Variants in CFAP410 observed in about 807,000 individuals in gnomAD.
The protein encoded by CFAP410 is cilia- and flagella-associated protein 410.
In CFAP410, 27 loss-of-function variants were observed where a neutral mutation model predicts 25.7. The ratio of observed to expected loss-of-function variants is 1.05; its 90% CI spans 0.77 to 1.45. The LOEUF is 1.45. Among genes scored for constraint, CFAP410 ranks in the 40% most tolerant of loss-of-function variants. The pLI, the probability that CFAP410 is intolerant of heterozygous loss-of-function variation, is 0.00. For synonymous variants in CFAP410, 178 were observed against 158.4 expected (o/e 1.12, Z -0.93); for missense variants, 428 against 354.1 (o/e 1.21, Z -1.67).
At chr21:44,331,039 C>T (rs2047638638) in intron 5 of CFAP410, 120 bp from the exon 6 acceptor site, 2 of 907,528 alleles carry the variant, frequency 2.2e-6, no homozygotes, top group African/African-American at 3.4e-5. Context: ...TCCCACCTGG[C>T]ACACGGGGGC....
intron 2 of CFAP410, among the ~76,000 whole-genome samples, chr21:44,336,369 C>T (rs2047756560): frequency 6.6e-6 from 1 of 152,180 alleles, no homozygotes; most frequent in Non-Finnish European, 1.5e-5. Context: ...GGTAAGGGGA[C>T]CCCAATGTCC....
chr21:44,330,344 C>T lies in CFAP410; in HGVS notation c.643-18G>A, dbSNP rs749770540. ...AGGACGTTCTGAGGGCAGAGGGGTG[C>T]GGACTAAGCCCACCCGGCACGGCGA... is the stretch of plus-strand genomic sequence containing the variant. On this transcript the variant is annotated intron_variant, in intron 6 of 6. Coordinates refer to ENST00000339818, the MANE Select transcript of CFAP410 (RefSeq NM_004928.3). 22 of 1,601,522 alleles carry T rather than the reference C, an allele frequency of 1.4e-5. No homozygotes were observed. The highest frequency in any genetic ancestry group is 1.1e-4 in the East Asian group (5 of 44,554).
intron 5 of CFAP410, 39 bp from the exon 6 acceptor site, chr21:44,330,958 C>T (rs773849527): frequency 3.5e-5 from 53 of 1,513,498 alleles, no homozygotes; most frequent in East Asian, 2.6e-4. Context: ...TCAGGGGGCT[C>T]GTGGCACCGG....
chr21:44,335,187 T>C (rs1344302133), intron 3 of CFAP410: 2 of 154,634 alleles, frequency 1.3e-5, no homozygotes. Context: ...AGGGAGCTCT[T>C]CTCTTCCCCA....
chr21:44,332,260 G>A, intron 4 of CFAP410: 1 of 449,530 alleles, frequency 2.2e-6, no homozygotes, highest in Non-Finnish European at 3.9e-6. Context: ...ACCAGCCTTG[G>A]CCAGAAGCAA....
At chr21:44,338,418 A>G in intron 1 of CFAP410, 1 of 763,286 alleles carries the variant, frequency 1.3e-6, no homozygotes, top group East Asian at 6.5e-5. Context: ...TCCTTGGCTC[A>G]GTGAGACTCA....
intron 3 of CFAP410, chr21:44,334,419 C>G: frequency 7.8e-6 from 3 of 383,302 alleles, no homozygotes; most frequent in South Asian, 5.7e-5. Context: ...CTTTCGGAGG[C>G]AGGCCTGAAA....
rs1244506706 is a variant in CFAP410, at chr21:44,339,036, G to A, written c.77+82C>T. 4.5e-5 allele frequency: 24 copies of A among 537,896 alleles called. 1 individual carries two copies. Among genetic ancestry groups the A allele is most frequent in the Admixed American group, 3.2e-4 (6 of 18,748 alleles). 33.3% of individuals were successfully genotyped at this position (537,896 alleles called of 1,614,324 possible). A position where few individuals can be genotyped will look rare whatever the true frequency, so the allele number is the denominator to read the frequency against. ...TCCGGCTCCGCCCTCTCCCCGCCCCGGCTCCTCCCTCCGGCTCCGCCCTCG... is the reference window on the plus strand; with the variant it reads ...TCCGGCTCCGCCCTCTCCCCGCCCCAGCTCCTCCCTCCGGCTCCGCCCTCG... On this transcript the variant is annotated intron_variant, in intron 1 of 6. Transcript: ENST00000339818.
Position 44,339,100 on chromosome 21 carries a change from G to T in CFAP410, c.77+18C>A. On this transcript the variant is annotated intron_variant, in intron 1 of 6. Transcript: ENST00000339818. ...CCTCCCCCCACCCCGGGGCGGCCGC[G>T]GCCAGGCCCCGCCTCACCAGCAGTT... 1.5e-6 allele frequency: 2 copies of T among 1,375,126 alleles called. No individual in the cohort carries two copies. Among genetic ancestry groups the T allele is most frequent in the Non-Finnish European group, 9.6e-7 (1 of 1,046,358 alleles). The allele number at this position is 1,375,126 out of a possible 1,614,324, so 85.2% of individuals were successfully genotyped here.
chr21:44,339,026 T>G lies in CFAP410; in HGVS notation c.77+92A>C, dbSNP rs189162062. 22,089 of 216,770 alleles carry G rather than the reference T, an allele frequency of 0.1. 1,766 individuals carry two copies. Among genetic ancestry groups the G allele is most frequent in the African/African-American group, 0.23 (2,500 of 11,108 alleles). The allele number at this position is 216,770 out of a possible 1,614,324, so 13.4% of individuals were successfully genotyped here. ...GGCTCCTCCCTCCGGCTCCGCCCTC[T>G]CCCCGCCCCGGCTCCTCCCTCCGGC... On this transcript the variant is annotated intron_variant, in intron 1 of 6. Transcript: ENST00000339818.
chr21:44,337,864 T>G (rs1433746701), intron 1 of CFAP410, among the ~76,000 whole-genome samples, 197 bp from the exon 2 acceptor site: 1 of 152,200 alleles, frequency 6.6e-6, no homozygotes, highest in Non-Finnish European at 1.5e-5. Context: ...TCAACTAAAC[T>G]GTATGTTTGA....
intron 5 of CFAP410, chr21:44,331,479 GC>G: frequency 9.8e-6 from 3 of 306,540 alleles, no homozygotes; most frequent in Non-Finnish European, 1.8e-5. Context: ...GGCACTGATG[GC>G]CGTGCCCACA....
At chr21:44,339,088 C>T (rs777590542) in intron 1 of CFAP410, 30 bp downstream of exon 1, 1 of 1,386,048 alleles carries the variant, frequency 7.2e-7, no homozygotes, top group Non-Finnish European at 9.5e-7. Flanking sequence ...CCCCCCACCC[C>T]GGGGCGGCCG....
rs2146054027 is a variant in CFAP410, at chr21:44,330,319, A to G, written c.650T>C (p.Leu217Pro). The change falls in exon 7 of 7, where the codon CTG becomes CCG. Residue 217 changes from leucine (L) to proline (P), a missense_variant. Coordinates refer to ENST00000339818, the MANE Select transcript of CFAP410 (RefSeq NM_004928.3). ...ASSSHRGRNV[L>P]TAILLLLREL... is the part of the protein sequence containing the mutation. The stretch of plus-strand genomic sequence containing the variant: ...CCGCAGCAGCAGCAGGATGGCAGTC[A>G]GGACGTTCTGAGGGCAGAGGGGTGC... The G allele has an allele frequency of 1.9e-6, 3 of 1,610,494 alleles. No homozygotes were observed. Among genetic ancestry groups the G allele is most frequent in the Non-Finnish European group, 1.7e-6 (2 of 1,178,734 alleles).
intron 5 of CFAP410, chr21:44,331,254 C>G (rs1412438682): frequency 2.4e-6 from 1 of 418,348 alleles, no homozygotes; most frequent in South Asian, 3.6e-5. Flanking sequence ...TGGGGTCAGG[C>G]CCTGTGCCGG....
Position 44,330,207 on chromosome 21 carries a change from G to A in CFAP410, c.762C>T (p.His254=), listed in dbSNP as rs377640840. 1.5e-5 allele frequency: 24 copies of A among 1,569,670 alleles called. 1 individual carries two copies. The highest frequency in any genetic ancestry group is 5.8e-5 in the South Asian group (5 of 86,404). Residue 254 remains histidine (H), a synonymous_variant, in exon 7 of 7, where the codon CAC becomes CAT. Coordinates refer to ENST00000339818, the MANE Select transcript of CFAP410 (RefSeq NM_004928.3). ...QALRGEEVQE[H]AE ...CGTTCAGGTCCTGCGGTCACTCGGC[G>A]TGCTCCTGCACCTCTTCCCCACGCA... is the stretch of plus-strand genomic sequence containing the variant.
At position 44,336,159 on chromosome 21, in the gene CFAP410, A is replaced by G. The variant is rs183079367; in HGVS notation, c.97-355T>C. Reference sequence around the variant, plus strand: ...GCCCTGCTCAGCCAGTGTGCCCAGGATGAATGCCCACGAGTATGCCAGGTT... The same window carrying G: ...GCCCTGCTCAGCCAGTGTGCCCAGGGTGAATGCCCACGAGTATGCCAGGTT... On this transcript the variant is annotated intron_variant, in intron 2 of 6. Coordinates refer to ENST00000339818, the MANE Select transcript of CFAP410 (RefSeq NM_004928.3). Among the ~76,000 whole-genome samples, 83 of 149,428 alleles carry G rather than the reference A, an allele frequency of 5.6e-4. 1 individual carries two copies. Among genetic ancestry groups the G allele is most frequent in the African/African-American group, 6.9e-4 (28 of 40,750 alleles).
At chr21:44,335,519 G>C in intron 3 of CFAP410, 1 of 583,594 alleles carries the variant, frequency 1.7e-6, no homozygotes. Flanking sequence ...CAGCAGGGCA[G>C]GCAGGGGACA....
intron 5 of CFAP410, 79 bp downstream of exon 5, chr21:44,331,764 G>C (rs1323686551): frequency 7.3e-7 from 1 of 1,376,870 alleles, no homozygotes; most frequent in Admixed American, 2.3e-5. Flanking sequence ...CAGCTCACGG[G>C]AAGCCCCATT....
Sources: gnomAD v4.1 joint callset for allele counts (sites outside exome capture counted in the v4.1 genomes callset) on GRCh38, gnomAD v4.1.1 for gene constraint, MANE v1.5 for transcripts, NCBI Gene and HGNC (gene_info 2026-07-23, HGNC 2026-07-21) for gene names.